CNTNAP5: variants seen among roughly 807,000 people sequenced by gnomAD.
CNTNAP5 encodes the protein contactin-associated protein-like 5.
In CNTNAP5, 72 loss-of-function variants were observed where a neutral mutation model predicts 150.2. That is an observed-to-expected ratio of 0.48 (90% CI 0.40 to 0.58). The LOEUF is 0.58. CNTNAP5 is among the 20% of genes least tolerant of loss of function. The probability of loss-of-function intolerance (pLI) is 0.00; values close to 1 mark genes in which losing one functional copy is unlikely to be tolerated. For synonymous variants in CNTNAP5, 672 were observed against 619.8 expected (o/e 1.08, Z -1.25); for missense variants, 1,636 against 1,626.2 (o/e 1.01, Z -0.10).
chr2:124,508,996 C>T (rs904394186), intron 8 of CNTNAP5, among the ~76,000 whole-genome samples: 1 of 152,128 alleles, frequency 6.6e-6, no homozygotes, highest in African/African-American at 2.4e-5. Flanking sequence ...TTTTGAGAGT[C>T]AACGGGGCTA....
In CNTNAP5 at chr2:124,140,428, G is replaced by A. The variant is rs1239024837; in HGVS notation, c.83-81277G>A. ...AAGAGAGCAGTGGTTCTCCCAGCAC[G>A]CAGCTGGAGATCTGAGAACGGGCAG... On this transcript the variant is annotated intron_variant, in intron 1 of 23. Coordinates refer to ENST00000682447, the MANE Select transcript of CNTNAP5 (RefSeq NM_001367498.1). Among the ~76,000 whole-genome samples, 6 of 135,458 alleles carry A rather than the reference G, an allele frequency of 4.4e-5. No individual in the cohort carries two copies. The South Asian group carries it at 7.9e-4, about 18-fold the overall frequency. 88.9% of individuals were successfully genotyped at this position (135,458 alleles called of 152,430 possible).
Position 124,757,651 on chromosome 2 carries a change from A to C in CNTNAP5, c.2235-6021A>C, listed in dbSNP as rs148480213. ...GTTATTGCTCCTGTACAATGCAGGA[A>C]ATGTCACAATATTTTCCTAGCGTTA... On this transcript the variant is annotated intron_variant, in intron 14 of 23. Transcript: ENST00000682447. Among the ~76,000 whole-genome samples, 671 of 152,266 alleles carry C rather than the reference A, an allele frequency of 4.4e-3. 6 individuals carry two copies. The highest frequency in any genetic ancestry group is 0.015 in the African/African-American group (619 of 41,572).
At position 124,804,759 on chromosome 2, in the gene CNTNAP5, G is replaced by T. The variant is rs551671582; in HGVS notation, c.3217+6439G>T. 2.0e-3 allele frequency among the ~76,000 whole-genome samples: 304 copies of T among 152,234 alleles called. 1 individual carries two copies. Among genetic ancestry groups the T allele is most frequent in the African/African-American group, 6.8e-3 (284 of 41,530 alleles). On this transcript the variant is annotated intron_variant, in intron 19 of 23. Transcript: ENST00000682447. ...TTTGAGAAAATAAATTGTGTTGTCT[G>T]AGTCACTCACTCAGTCTATGACATT...
intron 1 of CNTNAP5, among the ~76,000 whole-genome samples, chr2:124,208,898 T>C (rs1685933286): frequency 6.6e-6 from 1 of 152,230 alleles, no homozygotes; most frequent in Non-Finnish European, 1.5e-5. Context: ...TTAAGCATTT[T>C]CTTTGTACCA....
chr2:124,278,057 T>C (rs142779221), intron 3 of CNTNAP5, among the ~76,000 whole-genome samples: 67 of 152,258 alleles, frequency 4.4e-4, no homozygotes, highest in Non-Finnish European at 7.9e-4. Flanking sequence ...GGGAGATTAC[T>C]GTTAAAAACG....
intron 19 of CNTNAP5, among the ~76,000 whole-genome samples, chr2:124,826,667 C>A (rs1682599040): frequency 1.3e-5 from 2 of 152,108 alleles, no homozygotes; most frequent in Non-Finnish European, 2.9e-5. Context: ...CTCACATCTG[C>A]AAAACTGGAA....
At chr2:124,535,943 C>A (rs2104900156) in intron 10 of CNTNAP5, among the ~76,000 whole-genome samples, 2 of 152,282 alleles carry the variant, frequency 1.3e-5, no homozygotes, top group South Asian at 4.1e-4. Flanking sequence ...TTGCTAAAAA[C>A]CCACCCTGTG....
At chr2:124,609,609 T>C (rs1377980426) in intron 11 of CNTNAP5, among the ~76,000 whole-genome samples, 192 bp from the exon 12 acceptor site, 1 of 151,470 alleles carries the variant, frequency 6.6e-6, no homozygotes. Flanking sequence ...GAGAGATGAA[T>C]GGAAAATCTG....
At chr2:124,500,963 G>C (rs555201168) in intron 7 of CNTNAP5, among the ~76,000 whole-genome samples, 2 of 152,038 alleles carry the variant, frequency 1.3e-5, no homozygotes, top group Non-Finnish European at 2.9e-5. Flanking sequence ...GAGCTTTGGG[G>C]GTGTGGTAAG....
At chr2:124,804,714 T>C (rs1682045732) in intron 19 of CNTNAP5, among the ~76,000 whole-genome samples, 1 of 152,150 alleles carries the variant, frequency 6.6e-6, no homozygotes, top group Non-Finnish European at 1.5e-5. Flanking sequence ...CTTGTGTTTG[T>C]ATTTCCCAGC....
chr2:124,507,477 C>A (rs1694438859), intron 8 of CNTNAP5, among the ~76,000 whole-genome samples: 1 of 151,952 alleles, frequency 6.6e-6, no homozygotes. Flanking sequence ...AAAACAACAA[C>A]AACAACAAAA....
chr2:124,853,610 C>A (rs1424170332), intron 19 of CNTNAP5, among the ~76,000 whole-genome samples: 1 of 152,182 alleles, frequency 6.6e-6, no homozygotes, highest in African/African-American at 2.4e-5. Context: ...CTTGCTTCTA[C>A]AAAACTTCTT....
At chr2:124,730,697 CA>C (rs1680252276) in intron 13 of CNTNAP5, among the ~76,000 whole-genome samples, 1 of 151,890 alleles carries the variant, frequency 6.6e-6, no homozygotes, top group Non-Finnish European at 1.5e-5. Flanking sequence ...GCCCAGAAAC[CA>C]AAATTGCCAA....
intron 13 of CNTNAP5, among the ~76,000 whole-genome samples, chr2:124,711,043 C>T (rs533835409): frequency 3.3e-5 from 5 of 152,130 alleles, no homozygotes; most frequent in Admixed American, 6.5e-5. Flanking sequence ...GAGGCAGAGG[C>T]GGGTGGATTA....
At chr2:124,113,317 T>C in intron 1 of CNTNAP5, among the ~76,000 whole-genome samples, 1 of 152,214 alleles carries the variant, frequency 6.6e-6, no homozygotes, top group Admixed American at 6.5e-5. Flanking sequence ...TGTACACCTT[T>C]CTTTATAGGT....
intron 3 of CNTNAP5, among the ~76,000 whole-genome samples, chr2:124,388,641 A>G (rs915430745): frequency 4.6e-5 from 7 of 152,128 alleles, no homozygotes; most frequent in African/African-American, 1.4e-4. Flanking sequence ...AATATTTGCT[A>G]ATGTCCATCC....
intron 1 of CNTNAP5, among the ~76,000 whole-genome samples, chr2:124,122,133 CT>C (rs1683577684): frequency 6.6e-6 from 1 of 152,094 alleles, no homozygotes. Context: ...GGTCTTATTT[CT>C]TCCTGCCACC....
rs1681597437 is a variant in CNTNAP5, at chr2:124,786,507, A to AAAG, written c.2753-3393_2753-3392insGAA. Among the ~76,000 whole-genome samples the AAAG allele has an allele frequency of 3.5e-4, 46 of 132,148 alleles. 1 individual carries two copies. Among genetic ancestry groups the AAAG allele is most frequent in the Admixed American group, 3.2e-3 (42 of 13,250 alleles). The allele number at this position is 132,148 out of a possible 152,430, so 86.7% of individuals were successfully genotyped here. A position where few individuals can be genotyped will look rare whatever the true frequency, so the allele number is the denominator to read the frequency against. On this transcript the variant is annotated intron_variant, in intron 17 of 23. Transcript: ENST00000682447. ...AGGAGGGAAGGAAGGGAGGGAAAGA[A>AAAG]AAAGAAAGAAAGAAAGAGAAAGAAA...
chr2:124,611,705 C>A (rs1322377144), intron 12 of CNTNAP5, among the ~76,000 whole-genome samples: 1 of 152,074 alleles, frequency 6.6e-6, no homozygotes, highest in African/African-American at 2.4e-5. Context: ...GCAAATTGTC[C>A]CTGTTCCACT....
Sources: allele counts gnomAD v4.1 joint callset (sites outside exome capture counted in the v4.1 genomes callset), GRCh38; gene constraint gnomAD v4.1.1; transcripts MANE v1.5; gene names NCBI Gene and HGNC (gene_info 2026-07-23, HGNC 2026-07-21).